The following TSHZ2 variants were observed in gnomAD, a reference collection of about 807,000 sequenced individuals.
TSHZ2 encodes the protein teashirt zinc finger homeobox 2.
A neutral mutation model predicts 74.4 loss-of-function variants in TSHZ2; 21 were observed. The ratio of observed to expected loss-of-function variants is 0.28; its 90% CI spans 0.20 to 0.41. The LOEUF (loss-of-function observed/expected upper bound fraction) is 0.41. TSHZ2 is among the 10% of genes least tolerant of loss of function. TSHZ2 has a pLI of 1.00. For missense variants in TSHZ2, 1,244 were observed against 1,293.5 expected (o/e 0.96, Z 0.59); for synonymous variants, 540 against 515.3 (o/e 1.05, Z -0.65).
intron 1 of TSHZ2, among the ~76,000 whole-genome samples, chr20:53,009,378 C>G (rs1202708612): frequency 2.6e-5 from 4 of 151,932 alleles, no homozygotes; most frequent in African/African-American, 4.8e-5. Flanking sequence ...CAAGCAATAT[C>G]CTGTACAGTG....
chr20:53,022,518 T>C (rs1983283233), intron 1 of TSHZ2, among the ~76,000 whole-genome samples: 1 of 152,198 alleles, frequency 6.6e-6, no homozygotes, highest in Non-Finnish European at 1.5e-5. Context: ...ACATGCAGAA[T>C]GCCTGAGTGG....
At chr20:53,332,562 T>C (rs1274276888) in intron 2 of TSHZ2, among the ~76,000 whole-genome samples, 10 of 152,126 alleles carry the variant, frequency 6.6e-5, no homozygotes, top group Admixed American at 6.5e-4. Context: ...GGTTTGTGTG[T>C]GTATGTGCAC....
chr20:53,254,579 C>T lies in TSHZ2; in HGVS notation c.1121C>T (p.Ala374Val), dbSNP rs1180450294. ...NGASYTWQFE[A>V]CKSQILKCME... ...GCCAGCTACACCTGGCAGTTTGAGG[C>T]CTGCAAGTCCCAGATCTTAAAGTGC... is the stretch of plus-strand genomic sequence containing the variant. The change falls in exon 2 of 3, where the codon GCC becomes GTC. Residue 374 changes from alanine (A) to valine (V), a missense_variant. By Grantham distance (64) the Ala-to-Val change is moderately conservative (BLOSUM62 0). Transcript: ENST00000371497. 6.2e-7 allele frequency: 1 copy of T among 1,612,412 alleles called. No individual in the cohort carries two copies. Among genetic ancestry groups the T allele is most frequent in the East Asian group, 2.2e-5 (1 of 44,802 alleles).
chr20:53,100,780 T>C (rs1312646744), intron 1 of TSHZ2, among the ~76,000 whole-genome samples: 1 of 152,210 alleles, frequency 6.6e-6, no homozygotes, highest in Non-Finnish European at 1.5e-5. Flanking sequence ...GACAAAATAC[T>C]CTTCCACACA....
intron 1 of TSHZ2, among the ~76,000 whole-genome samples, chr20:53,167,570 T>C (rs1382723637): frequency 1.3e-5 from 2 of 151,456 alleles, no homozygotes; most frequent in African/African-American, 2.4e-5. Flanking sequence ...TGCTTGTTTG[T>C]GTGTGTGTGT....
At chr20:53,102,469 G>A (rs902033483) in intron 1 of TSHZ2, among the ~76,000 whole-genome samples, 53 of 150,190 alleles carry the variant, frequency 3.5e-4, no homozygotes, top group Admixed American at 2.0e-3. Flanking sequence ...GAGAGGGGAG[G>A]GAAGAAGAGG....
chr20:52,992,149 C>T (rs1982019498), intron 1 of TSHZ2, among the ~76,000 whole-genome samples: 1 of 152,180 alleles, frequency 6.6e-6, no homozygotes, highest in Non-Finnish European at 1.5e-5. Flanking sequence ...GGCCTCTCTT[C>T]CTCTCCATGC....
intron 2 of TSHZ2, among the ~76,000 whole-genome samples, chr20:53,429,172 C>G (rs539476086): frequency 3.3e-5 from 5 of 152,322 alleles, no homozygotes; most frequent in Non-Finnish European, 7.3e-5. Context: ...GGAAATCTGC[C>G]TTTACGGGAC....
intron 1 of TSHZ2, among the ~76,000 whole-genome samples, chr20:53,143,844 A>G (rs1327442267): frequency 6.6e-6 from 1 of 152,150 alleles, no homozygotes; most frequent in African/African-American, 2.4e-5. Context: ...ATAGAGAAAT[A>G]GTTTAATTCA....
intron 1 of TSHZ2, among the ~76,000 whole-genome samples, chr20:53,102,820 A>G (rs1471573777): frequency 6.6e-6 from 1 of 151,966 alleles, no homozygotes; most frequent in African/African-American, 2.4e-5. Context: ...CAAATTGTGG[A>G]TCAAGGCCCA....
intron 1 of TSHZ2, among the ~76,000 whole-genome samples, chr20:53,110,487 ATTATG>A (rs1356033960): frequency 1.3e-5 from 2 of 152,150 alleles, no homozygotes; most frequent in Non-Finnish European, 2.9e-5. Flanking sequence ...AAAAAAATAA[ATTATG>A]TTATGCATTA....
intron 1 of TSHZ2, among the ~76,000 whole-genome samples, chr20:53,026,221 G>C (rs1983439769): frequency 6.6e-6 from 1 of 152,070 alleles, no homozygotes; most frequent in African/African-American, 2.4e-5. Context: ...ATAAGAAACA[G>C]GATCCTTCTC....
chr20:53,371,444 A>T (rs748322667), intron 2 of TSHZ2, among the ~76,000 whole-genome samples: 3 of 152,238 alleles, frequency 2.0e-5, no homozygotes, highest in Non-Finnish European at 4.4e-5. Flanking sequence ...AGTCAGACAC[A>T]TTCTAGTCTT....
intron 1 of TSHZ2, among the ~76,000 whole-genome samples, chr20:53,204,348 G>T (rs201733092): frequency 0.019 from 2,344 of 126,504 alleles, 261 homozygotes; most frequent in East Asian, 0.17. Flanking sequence ...CATATAACAT[G>T]ATGATATGAT....
chr20:53,115,498 G>C (rs961293964), intron 1 of TSHZ2, among the ~76,000 whole-genome samples: 1 of 152,178 alleles, frequency 6.6e-6, no homozygotes, highest in African/African-American at 2.4e-5. Flanking sequence ...ATGATTGTGA[G>C]GCCTTCCCAG....
rs60082907 is a variant in TSHZ2 at position 53,233,412 on chromosome 20, G to A, written c.41-20087G>A. Among the ~76,000 whole-genome samples, 648 of 152,250 alleles carry A rather than the reference G, an allele frequency of 4.3e-3. 20 individuals are homozygous for A. In the East Asian group the frequency reaches 0.073, roughly 17 times the overall value. On this transcript the variant is annotated intron_variant, in intron 1 of 2. Coordinates refer to ENST00000371497, the MANE Select transcript of TSHZ2 (RefSeq NM_173485.6). ...TGTAAGAAGAGATCCTGTCTAATAG[G>A]GGACAGAAAAGATCTTCTAAGGGTG... is the stretch of plus-strand genomic sequence containing the variant.
chr20:53,323,159 C>T (rs1287824896), intron 2 of TSHZ2, among the ~76,000 whole-genome samples: 1 of 152,154 alleles, frequency 6.6e-6, no homozygotes, highest in African/African-American at 2.4e-5. Context: ...TCTAAAATGT[C>T]AGTGCTGTGA....
chr20:53,146,809 A>T (rs1328011724), intron 1 of TSHZ2, among the ~76,000 whole-genome samples: 1 of 152,190 alleles, frequency 6.6e-6, no homozygotes, highest in Non-Finnish European at 1.5e-5. Flanking sequence ...AAATTCCACC[A>T]GCTGATTTGC....
intron 1 of TSHZ2, among the ~76,000 whole-genome samples, chr20:53,021,419 C>G (rs978536143): frequency 3.9e-5 from 6 of 152,142 alleles, no homozygotes; most frequent in Admixed American, 1.3e-4. Flanking sequence ...GTTTAAGAAC[C>G]ACTGGTTTAA....
Sources: allele counts gnomAD v4.1 joint callset (sites outside exome capture counted in the v4.1 genomes callset), GRCh38; gene constraint gnomAD v4.1.1; transcripts MANE v1.5; gene names NCBI Gene and HGNC (gene_info 2026-07-23, HGNC 2026-07-21).